Variants in DGKB observed in about 807,000 individuals in gnomAD.
The protein encoded by DGKB is diacylglycerol kinase beta, also known as 90 kDa diacylglycerol kinase.
Under a neutral mutation model 114.3 loss-of-function variants are expected in DGKB, and 67 were observed. That is an observed-to-expected ratio of 0.59 (90% CI 0.48 to 0.72). DGKB has a LOEUF of 0.72. Among genes scored for constraint, DGKB ranks in the 30% least tolerant of loss-of-function variants. DGKB has a pLI of 0.00. For synonymous variants in DGKB, 398 were observed against 323.1 expected (o/e 1.23, Z -2.49); for missense variants, 907 against 975.2 (o/e 0.93, Z 0.93).
upstream of DGKB, among the ~76,000 whole-genome samples, chr7:14,905,711 G>A (rs1783670977): frequency 6.6e-6 from 1 of 152,090 alleles, no homozygotes; most frequent in Non-Finnish European, 1.5e-5. Context: ...GAACCCAAAA[G>A]TTTGCAAACT....
In DGKB at chr7:14,286,960, A is replaced by G. The variant is rs556267888; in HGVS notation, c.2122+51555T>C. On this transcript the variant is annotated intron_variant, in intron 23 of 25. Transcript: ENST00000402815. ...CCTTTCCTATTGGTCACATCTTCCT[A>G]TATAAGGTGATATATATACACATAT... is the stretch of plus-strand genomic sequence containing the variant. 7.9e-5 allele frequency among the ~76,000 whole-genome samples: 12 copies of G among 152,252 alleles called. No homozygotes were observed. In the East Asian group the frequency reaches 1.5e-3, roughly 20 times the overall value.
chr7:14,239,263 T>G (rs984059844), intron 23 of DGKB, among the ~76,000 whole-genome samples: 5 of 151,358 alleles, frequency 3.3e-5, no homozygotes, highest in African/African-American at 1.2e-4. Flanking sequence ...AACATCATGT[T>G]TTTACAGCTC....
intron 2 of DGKB, among the ~76,000 whole-genome samples, chr7:14,830,469 C>G (rs893683751): frequency 6.6e-6 from 1 of 152,034 alleles, no homozygotes; most frequent in African/African-American, 2.4e-5. Context: ...TTGTAAATAT[C>G]TGGGGAACTC....
intron 21 of DGKB, among the ~76,000 whole-genome samples, chr7:14,395,689 C>T (rs1822103912): frequency 6.6e-6 from 1 of 151,658 alleles, no homozygotes; most frequent in Non-Finnish European, 1.5e-5. Flanking sequence ...TGTATTCTGA[C>T]ATATTAAATC....
chr7:14,866,260 A>T (rs1851698870), intron 1 of DGKB, among the ~76,000 whole-genome samples: 1 of 152,120 alleles, frequency 6.6e-6, no homozygotes, highest in African/African-American at 2.4e-5. Flanking sequence ...TTACCATGAG[A>T]CACCATAATC....
intron 20 of DGKB, among the ~76,000 whole-genome samples, chr7:14,538,085 CAAAAAAAAAA>C (rs58405374): frequency 4.5e-5 from 2 of 44,798 alleles, no homozygotes; most frequent in Admixed American, 3.4e-4. Context: ...ATCTCTGTCT[CAAAAAAAAAA>C]AAAAAAAAAA....
In DGKB at chr7:14,695,494, C is replaced by CTTTTTTTTTTTTTTTTTTTTTT. The variant is rs1173622205; in HGVS notation, c.592-1322_592-1301dup. Among the ~76,000 whole-genome samples the CTTTTTTTTTTTTTTTTTTTTTT allele has an allele frequency of 2.3e-4, 17 of 75,166 alleles. 4 individuals carry two copies. The highest frequency in any genetic ancestry group is 2.5e-4 in the Non-Finnish European group (11 of 43,554). The allele number at this position is 75,166 out of a possible 152,430, so 49.3% of individuals were successfully genotyped here. ...AATGTTCATTTCTCTCTCTCTCTCT[C>CTTTTTTTTTTTTTTTTTTTTTT]TTTTTTTTTTTTTTTTTTTTTTTGA... On this transcript the variant is annotated intron_variant, in intron 8 of 25. Transcript: ENST00000402815.
At chr7:14,678,194 T>G (rs1242242141) in intron 12 of DGKB, among the ~76,000 whole-genome samples, 1 of 152,038 alleles carries the variant, frequency 6.6e-6, no homozygotes, top group East Asian at 1.9e-4. Context: ...TGTCAAGAAC[T>G]TCAGGTGATT....
intron 21 of DGKB, among the ~76,000 whole-genome samples, chr7:14,403,679 A>C (rs1823489094): frequency 6.6e-6 from 1 of 151,972 alleles, no homozygotes; most frequent in Non-Finnish European, 1.5e-5. Flanking sequence ...TAAGGAAGTA[A>C]ACTTCTTATG....
chr7:14,782,878 A>G (rs992163688), intron 2 of DGKB, among the ~76,000 whole-genome samples: 3 of 152,190 alleles, frequency 2.0e-5, no homozygotes, highest in Non-Finnish European at 2.9e-5. Context: ...TCTGTGGCCC[A>G]GGCTGGAGTG....
chr7:14,519,192 C>A (rs550517759), intron 20 of DGKB, among the ~76,000 whole-genome samples: 61 of 151,998 alleles, frequency 4.0e-4, no homozygotes, highest in African/African-American at 1.5e-3. Context: ...ACCAAAATTC[C>A]ATTTTAGAGC....
At chr7:14,486,747 T>G (rs373840639) in intron 20 of DGKB, among the ~76,000 whole-genome samples, 119 of 152,286 alleles carry the variant, frequency 7.8e-4, no homozygotes, top group African/African-American at 2.7e-3. Flanking sequence ...TGAGATTCAA[T>G]GCTTATGGTA....
chr7:14,848,465 A>G (rs750441459), intron 1 of DGKB, among the ~76,000 whole-genome samples: 1 of 152,220 alleles, frequency 6.6e-6, no homozygotes, highest in Non-Finnish European at 1.5e-5. Context: ...GTACTAGTAG[A>G]TTTTGAGTTA....
intron 23 of DGKB, among the ~76,000 whole-genome samples, chr7:14,311,002 C>T (rs1805300645): frequency 6.6e-6 from 1 of 152,016 alleles, no homozygotes; most frequent in Non-Finnish European, 1.5e-5. Context: ...GTGGTGTGCG[C>T]CTGCAGTTCC....
At chr7:14,384,514 C>T (rs1018200121) in intron 21 of DGKB, among the ~76,000 whole-genome samples, 2 of 152,158 alleles carry the variant, frequency 1.3e-5, no homozygotes, top group African/African-American at 4.8e-5. Context: ...TTTGCTGACC[C>T]CTGGCATAGG....
intron 1 of DGKB, among the ~76,000 whole-genome samples, chr7:14,878,090 A>G (rs1853587830): frequency 6.6e-6 from 1 of 151,662 alleles, no homozygotes; most frequent in African/African-American, 2.4e-5. Flanking sequence ...GCATTTTATC[A>G]GTGAAATATG....
intron 23 of DGKB, among the ~76,000 whole-genome samples, chr7:14,243,788 T>C (rs1193928873): frequency 6.6e-6 from 1 of 152,194 alleles, no homozygotes. Flanking sequence ...TACAATATTG[T>C]CAGATCTTGC....
chr7:14,560,524 G>A (rs998933320), intron 20 of DGKB, among the ~76,000 whole-genome samples: 1 of 152,050 alleles, frequency 6.6e-6, no homozygotes, highest in African/African-American at 2.4e-5. Context: ...CCTTTTAGTT[G>A]CATATTGCAA....
chr7:14,282,510 G>T (rs1170543964), intron 23 of DGKB, among the ~76,000 whole-genome samples: 1 of 151,760 alleles, frequency 6.6e-6, no homozygotes, highest in Non-Finnish European at 1.5e-5. Flanking sequence ...TCACTCATTT[G>T]ATGAGGCCAG....
Sources: gnomAD v4.1 joint callset for allele counts (sites outside exome capture counted in the v4.1 genomes callset) on GRCh38, gnomAD v4.1.1 for gene constraint, MANE v1.5 for transcripts, NCBI Gene and HGNC (gene_info 2026-07-23, HGNC 2026-07-21) for gene names.